The following CHCHD3 variants were observed in gnomAD, a reference collection of about 807,000 sequenced individuals.
The protein encoded by CHCHD3 is MICOS complex subunit MIC19.
Under a neutral mutation model 38.2 loss-of-function variants are expected in CHCHD3, and 20 were observed. The observed-to-expected ratio is 0.52, with a 90% CI of 0.37 to 0.76. CHCHD3 has a LOEUF of 0.76. Among genes scored for constraint, CHCHD3 ranks in the 30% least tolerant of loss-of-function variants. The pLI, the probability that CHCHD3 is intolerant of heterozygous loss-of-function variation, is 0.00. For synonymous variants in CHCHD3, 82 were observed against 100.0 expected, an observed-to-expected ratio of 0.82 and a Z score of 1.07; for missense variants, 245 against 279.2, an observed-to-expected ratio of 0.88 and a Z score of 0.87.
intron 3 of CHCHD3, among the ~76,000 whole-genome samples, chr7:133,002,511 A>G (rs996346840): frequency 6.6e-6 from 1 of 151,994 alleles, no homozygotes; most frequent in African/African-American, 2.4e-5. Context: ...CTTTCATAGT[A>G]CAAAAATAAT....
chr7:132,975,935 A>AG (rs1228264211), intron 3 of CHCHD3, among the ~76,000 whole-genome samples: 1 of 151,668 alleles, frequency 6.6e-6, no homozygotes, highest in Non-Finnish European at 1.5e-5. Context: ...TAAAAAAAAA[A>AG]AAAAAAGCCA....
At chr7:133,021,651 A>G (rs1390806272) in intron 3 of CHCHD3, among the ~76,000 whole-genome samples, 1 of 152,116 alleles carries the variant, frequency 6.6e-6, no homozygotes, top group Non-Finnish European at 1.5e-5. Context: ...AAATTCACCA[A>G]CCTGTTTAAA....
chr7:132,927,468 C>A (rs1810403861), intron 4 of CHCHD3, among the ~76,000 whole-genome samples: 1 of 152,176 alleles, frequency 6.6e-6, no homozygotes, highest in Admixed American at 6.5e-5. Context: ...TAACAAATCT[C>A]AGACTCACCA....
At chr7:133,055,130 G>C (rs1814279848) in intron 2 of CHCHD3, among the ~76,000 whole-genome samples, 1 of 151,704 alleles carries the variant, frequency 6.6e-6, no homozygotes, top group Admixed American at 6.6e-5. Context: ...TTTGAGTTCA[G>C]CCTGGGAAAA....
chr7:132,847,234 C>G (rs996072407), intron 5 of CHCHD3: 4 of 152,114 alleles, frequency 2.6e-5, no homozygotes, highest in Non-Finnish European at 5.9e-5. Context: ...ATCCCAGCTG[C>G]AAAGGAGGCT....
chr7:133,070,301 G>A (rs1355961820), intron 1 of CHCHD3, 72 bp from the exon 2 acceptor site: 7 of 1,259,408 alleles, frequency 5.6e-6, no homozygotes, highest in Non-Finnish European at 4.6e-6. Context: ...TAACATCCAA[G>A]TAATTTAGTC....
chr7:132,992,661 T>C (rs1022488408), intron 3 of CHCHD3, among the ~76,000 whole-genome samples: 1 of 152,124 alleles, frequency 6.6e-6, no homozygotes, highest in Admixed American at 6.5e-5. Flanking sequence ...TTATTTTAGA[T>C]ATACTGAGAA....
chr7:132,845,572 G>A (rs557200011), intron 5 of CHCHD3, among the ~76,000 whole-genome samples: 1 of 152,250 alleles, frequency 6.6e-6, no homozygotes, highest in South Asian at 2.1e-4. Flanking sequence ...AATAACATTT[G>A]ACCTTATCAC....
intron 2 of CHCHD3, among the ~76,000 whole-genome samples, chr7:133,054,244 AAAT>A (rs1814248518): frequency 6.6e-6 from 1 of 152,228 alleles, no homozygotes; most frequent in Non-Finnish European, 1.5e-5. Context: ...CTTGAAACAA[AAAT>A]ATACTGTCCA....
chr7:132,962,685 C>T (rs1811351010), intron 4 of CHCHD3, among the ~76,000 whole-genome samples: 1 of 152,236 alleles, frequency 6.6e-6, no homozygotes, highest in East Asian at 1.9e-4. Context: ...ATTTCCAAAA[C>T]AATGGTTTTT....
intron 4 of CHCHD3, among the ~76,000 whole-genome samples, chr7:132,974,544 G>C (rs1811708299): frequency 1.3e-5 from 2 of 151,820 alleles, no homozygotes; most frequent in African/African-American, 4.8e-5. Context: ...GCTGACCCCT[G>C]AGGTTTCAAA....
At chr7:132,787,689 GA>G (rs1420546584) in intron 7 of CHCHD3, among the ~76,000 whole-genome samples, 1 of 152,158 alleles carries the variant, frequency 6.6e-6, no homozygotes, top group African/African-American at 2.4e-5. Context: ...AGAAAGAGTA[GA>G]AGTCAAACAA....
chr7:133,070,364 CAG>C, intron 1 of CHCHD3, 135 bp from the exon 2 acceptor site: 1 of 654,458 alleles, frequency 1.5e-6, no homozygotes, highest in Non-Finnish European at 2.6e-6. Context: ...TTAAATCTAA[CAG>C]CCATAAAACC....
intron 2 of CHCHD3, among the ~76,000 whole-genome samples, chr7:133,042,306 T>C (rs936773175): frequency 3.3e-5 from 5 of 152,224 alleles, no homozygotes; most frequent in African/African-American, 1.2e-4. Flanking sequence ...TATTTCTGCA[T>C]GTCCCTAAGA....
chr7:132,833,208 A>G (rs1483569236), intron 6 of CHCHD3, among the ~76,000 whole-genome samples: 1 of 152,234 alleles, frequency 6.6e-6, no homozygotes, highest in African/African-American at 2.4e-5. Flanking sequence ...AATAGAAACT[A>G]GCACCCTAAG....
At chr7:132,837,994 A>G (rs550041671) in intron 6 of CHCHD3, among the ~76,000 whole-genome samples, 44 of 152,328 alleles carry the variant, frequency 2.9e-4, no homozygotes, top group African/African-American at 1.0e-3. Flanking sequence ...CAGCCTAACC[A>G]CGAGAAAGGC....
intron 2 of CHCHD3, among the ~76,000 whole-genome samples, chr7:133,031,239 G>A (rs749444431): frequency 5.3e-5 from 8 of 152,076 alleles, no homozygotes; most frequent in Non-Finnish European, 7.4e-5. Flanking sequence ...TCAAATTCCT[G>A]TGTTTACCGA....
At chr7:132,881,070 T>A (rs1442813929) in intron 5 of CHCHD3, among the ~76,000 whole-genome samples, 2 of 152,168 alleles carry the variant, frequency 1.3e-5, no homozygotes, top group Non-Finnish European at 1.5e-5. Flanking sequence ...CATTTGAGTA[T>A]GAAATAAGGA....
intron 7 of CHCHD3, among the ~76,000 whole-genome samples, chr7:132,795,689 G>A (rs1055352392): frequency 6.6e-6 from 1 of 152,192 alleles, no homozygotes; most frequent in Admixed American, 6.5e-5. Flanking sequence ...TTTGTCAGCA[G>A]AAGGAATCAA....
Sources: gnomAD v4.1 joint callset for allele counts (sites outside exome capture counted in the v4.1 genomes callset) on GRCh38, gnomAD v4.1.1 for gene constraint, MANE v1.5 for transcripts, NCBI Gene and HGNC (gene_info 2026-07-23, HGNC 2026-07-21) for gene names.